BTG4: variants seen among roughly 807,000 people sequenced by gnomAD.
The protein encoded by BTG4 is BTG anti-proliferation factor 4.
In BTG4, 10 loss-of-function variants were observed where a neutral mutation model predicts 19.3. The observed-to-expected ratio is 0.52, with a 90% confidence interval of 0.32 to 0.88. BTG4 has a LOEUF of 0.88. Among genes scored for constraint, BTG4 ranks in the 40% least tolerant of loss-of-function variants. The probability of loss-of-function intolerance (pLI) is 0.04; values close to 1 mark genes in which losing one functional copy is unlikely to be tolerated. For missense variants in BTG4, 238 were observed against 281.9 expected, an observed-to-expected ratio of 0.84 and a Z score of 1.11; for synonymous variants, 91 against 95.7, an observed-to-expected ratio of 0.95 and a Z score of 0.29.
the BTG4 span, among the ~76,000 whole-genome samples, chr11:111,392,937 G>T: frequency 6.6e-6 from 1 of 152,158 alleles, no homozygotes; most frequent in Non-Finnish European, 1.5e-5. Flanking sequence ...CACCCAAAAG[G>T]GATAGCCATT....
chr11:111,514,629 C>T, upstream of BTG4: 1 of 627,822 alleles, frequency 1.6e-6, no homozygotes, highest in East Asian at 2.7e-5. Context: ...GGTGGGCTTC[C>T]GACGGCCCCC....
chr11:111,497,248 A>G lies in BTG4; in HGVS notation c.473T>C (p.Val158Ala). The G allele has an allele frequency of 6.2e-7, 1 of 1,613,404 alleles. No individual in the cohort carries two copies. The highest frequency in any genetic ancestry group is 8.5e-7 in the Non-Finnish European group (1 of 1,179,672). The change falls in exon 4 of 5, where the codon GTC becomes GCC. Residue 158 changes from valine (V) to alanine (A), a missense_variant. Physicochemically the swap from Val to Ala is moderately conservative, Grantham distance 64 (BLOSUM62 0). Coordinates refer to ENST00000692032, the MANE Select transcript of BTG4 (RefSeq NM_001367975.1). ...DEESCSKEPRVIPKVSNPKSI... is the reference protein window; with the variant it reads ...DEESCSKEPRAIPKVSNPKSI... ...CTTCGGATTGCTGACTTTAGGAATG[A>G]CACGAGGTTCCTTGCTACAACTTTC... is the stretch of plus-strand genomic sequence containing the variant.
At chr11:111,463,114 C>G (rs1200730256), downstream of BTG4, 1 of 152,816 alleles carries the variant, frequency 6.5e-6, no homozygotes, top group East Asian at 1.9e-4. Flanking sequence ...GGCTAAGGCC[C>G]TGGGTCAGCT....
At chr11:111,494,107 G>A (rs570531623), downstream of BTG4, among the ~76,000 whole-genome samples, 5 of 152,292 alleles carry the variant, frequency 3.3e-5, no homozygotes, top group South Asian at 8.3e-4. Context: ...AGATACAAGC[G>A]GCTGGAGAAG....
the BTG4 span, among the ~76,000 whole-genome samples, chr11:111,413,044 G>C: frequency 6.6e-6 from 1 of 152,216 alleles, no homozygotes; most frequent in African/African-American, 2.4e-5. Context: ...TCGGAGAGAA[G>C]TGCAGAGTCA....
chr11:111,489,796 A>G (rs1865302893), intron 5 of BTG4, among the ~76,000 whole-genome samples: 1 of 152,142 alleles, frequency 6.6e-6, no homozygotes, highest in Non-Finnish European at 1.5e-5. Flanking sequence ...GTGAAAAAAA[A>G]AAATTGAACC....
the BTG4 span, chr11:111,449,963 G>A: frequency 6.6e-6 from 1 of 152,354 alleles, no homozygotes; most frequent in Non-Finnish European, 1.5e-5. Context: ...CAAAGAGGGA[G>A]CATGCAGGAC....
the BTG4 span, chr11:111,384,664 C>T: frequency 1.3e-5 from 2 of 152,132 alleles, no homozygotes; most frequent in African/African-American, 4.8e-5. Flanking sequence ...ATTAAAATTG[C>T]TCTTAGAGAA....
At chr11:111,493,707 G>T (rs1944111), downstream of BTG4, among the ~76,000 whole-genome samples, 1 of 152,036 alleles carries the variant, frequency 6.6e-6, no homozygotes, top group South Asian at 2.1e-4. Context: ...CTCTTCAAGA[G>T]AGGACAAACT....
the BTG4 span, among the ~76,000 whole-genome samples, chr11:111,390,694 C>G: frequency 6.6e-6 from 1 of 152,164 alleles, no homozygotes; most frequent in Admixed American, 6.5e-5. Context: ...TTCCACTCTG[C>G]GACAGAGACA....
chr11:111,498,245 G>T (rs933164736), intron 2 of BTG4, 110 bp from the exon 3 acceptor site: 5 of 1,249,426 alleles, frequency 4.0e-6, no homozygotes, highest in Non-Finnish European at 5.7e-6. Flanking sequence ...CATCCCCTCA[G>T]CCTCCTTCCC....
chr11:111,393,392 G>C, the BTG4 span, among the ~76,000 whole-genome samples: 3 of 152,194 alleles, frequency 2.0e-5, no homozygotes, highest in African/African-American at 7.2e-5. Flanking sequence ...TCAGGCAGCA[G>C]CAGCAGCACC....
the BTG4 span, among the ~76,000 whole-genome samples, chr11:111,427,885 G>A: frequency 0.012 from 1,803 of 152,230 alleles, 29 homozygotes; most frequent in African/African-American, 0.041. Context: ...TGACAGAGGC[G>A]TCACATCACA....
the BTG4 span, chr11:111,455,621 G>A: frequency 3.3e-6 from 1 of 306,708 alleles, no homozygotes; most frequent in African/African-American, 2.2e-5. Context: ...ACCCAGAAAA[G>A]TGTGGATCTG....
the BTG4 span, among the ~76,000 whole-genome samples, chr11:111,437,122 C>A: frequency 6.6e-6 from 1 of 152,204 alleles, no homozygotes. Flanking sequence ...CCTGCTGCAG[C>A]CCCCAGCAGC....
chr11:111,474,394 A>G (rs1318401283), intron 5 of BTG4, among the ~76,000 whole-genome samples: 1 of 152,102 alleles, frequency 6.6e-6, no homozygotes, highest in Non-Finnish European at 1.5e-5. Context: ...AACATCATCA[A>G]TAGTTTTCGC....
At position 111,498,717 on chromosome 11, in the gene BTG4, A is replaced by T. The variant is rs1865887880; in HGVS notation, c.60T>A (p.Asp20Glu). The T allele has an allele frequency of 6.2e-7, 1 of 1,613,470 alleles. No individual in the cohort carries two copies. The stretch of plus-strand genomic sequence containing the variant: ...CTTCTATTTGCTGTTTACTTAGTTT[A>T]TCATGTTTTTTCACCAATCTTGTGA... ...FFVTRLVKKH[D>E]KLSKQQIEDF... Residue 20 changes from aspartate (D) to glutamate (E), a missense_variant, in exon 2 of 5, where the codon GAT (aspartate) becomes GAA (glutamate). Asp to Glu is a conservative substitution (Grantham distance 45, BLOSUM62 2). Coordinates refer to ENST00000692032, the MANE Select transcript of BTG4 (RefSeq NM_001367975.1).
At chr11:111,508,795 TAATC>T (rs1866642555) in intron 1 of BTG4, among the ~76,000 whole-genome samples, 1 of 149,682 alleles carries the variant, frequency 6.7e-6, no homozygotes, top group Non-Finnish European at 1.5e-5. Context: ...CATGAATTCT[TAATC>T]TATTACTATA....
the BTG4 span, among the ~76,000 whole-genome samples, chr11:111,421,496 T>C: frequency 6.6e-5 from 10 of 152,208 alleles, no homozygotes; most frequent in Non-Finnish European, 1.2e-4. Context: ...AGGATGTCCC[T>C]GTGGGCTCCC....
Sources: allele counts gnomAD v4.1 joint callset (sites outside exome capture counted in the v4.1 genomes callset), GRCh38; gene constraint gnomAD v4.1.1; transcripts MANE v1.5; gene names NCBI Gene and HGNC (gene_info 2026-07-23, HGNC 2026-07-21).